The following DRC11 variants were observed in gnomAD, a reference collection of about 807,000 sequenced individuals.
The protein encoded by DRC11 is IQ and AAA domain-containing protein 1.
At chr2:236,393,054 T>C in the DRC11 span, among the ~76,000 whole-genome samples, 1 of 152,174 alleles carries the variant, frequency 6.6e-6, no homozygotes, top group African/African-American at 2.4e-5. The surrounding 1 kb of genome is among the most constrained non-coding windows in gnomAD (Gnocchi z 4.7). Context: ...AAATGTATGC[T>C]GAGGTGTGGA....
the DRC11 span, among the ~76,000 whole-genome samples, chr2:236,314,439 ACAT>A: frequency 1.3e-5 from 2 of 152,222 alleles, no homozygotes; most frequent in Non-Finnish European, 2.9e-5. This position sits in a 1 kb window ranked among gnomAD's most constrained non-coding sequence, Gnocchi z 4.5. Flanking sequence ...CTTCTAGTCA[ACAT>A]CATAACTAAA....
the DRC11 span, among the ~76,000 whole-genome samples, chr2:236,491,159 G>GTA: frequency 0.011 from 456 of 40,312 alleles, 24 homozygotes; most frequent in South Asian, 0.046. Flanking sequence ...TATACACACA[G>GTA]TATATATATA....
the DRC11 span, among the ~76,000 whole-genome samples, chr2:236,417,057 A>G: frequency 1.3e-4 from 19 of 150,362 alleles, no homozygotes; most frequent in African/African-American, 4.7e-4. Flanking sequence ...TTTAGTAGAG[A>G]TGGGGTTTCA....
the DRC11 span, chr2:236,454,903 T>G: frequency 6.6e-6 from 1 of 152,258 alleles, no homozygotes; most frequent in African/African-American, 2.4e-5. The surrounding 1 kb of genome is among the most constrained non-coding windows in gnomAD (Gnocchi z 5.3). Context: ...TTTCTGAGTC[T>G]GCTTTGTCAT....
chr2:236,388,394 C>G, the DRC11 span, among the ~76,000 whole-genome samples: 1 of 148,240 alleles, frequency 6.7e-6, no homozygotes, highest in East Asian at 2.0e-4. Context: ...CTTCCCTTCT[C>G]GCTTCATTTC....
the DRC11 span, among the ~76,000 whole-genome samples, chr2:236,405,395 T>A: frequency 6.6e-6 from 1 of 151,684 alleles, no homozygotes; most frequent in East Asian, 2.0e-4. The surrounding 1 kb of genome is among the most constrained non-coding windows in gnomAD (Gnocchi z 4.6). Context: ...TCCAACTTTC[T>A]TGCCTTTTTT....
the DRC11 span, among the ~76,000 whole-genome samples, chr2:236,413,818 T>C: frequency 3.3e-5 from 5 of 152,226 alleles, no homozygotes; most frequent in African/African-American, 1.2e-4. This position sits in a 1 kb window ranked among gnomAD's most constrained non-coding sequence, Gnocchi z 4.0. Flanking sequence ...AACATGTGGC[T>C]TGAAAAATAA....
chr2:236,342,767 G>C, the DRC11 span, among the ~76,000 whole-genome samples: 2 of 152,206 alleles, frequency 1.3e-5, no homozygotes, highest in African/African-American at 4.8e-5. This position sits in a 1 kb window ranked among gnomAD's most constrained non-coding sequence, Gnocchi z 5.8. Flanking sequence ...TTGCAGCTCT[G>C]AGTCTGGGGT....
the DRC11 span, among the ~76,000 whole-genome samples, chr2:236,434,992 T>C: frequency 6.6e-6 from 1 of 152,106 alleles, no homozygotes; most frequent in Non-Finnish European, 1.5e-5. The surrounding 1 kb of genome is among the most constrained non-coding windows in gnomAD (Gnocchi z 5.5). Context: ...TTGGTGCTCA[T>C]GGAATTCAGT....
At chr2:236,342,554 G>A in the DRC11 span, among the ~76,000 whole-genome samples, 1 of 152,196 alleles carries the variant, frequency 6.6e-6, no homozygotes, top group Non-Finnish European at 1.5e-5. This position sits in a 1 kb window ranked among gnomAD's most constrained non-coding sequence, Gnocchi z 5.8. Flanking sequence ...CAGGAAGGCA[G>A]CAGGAACTCT....
the DRC11 span, among the ~76,000 whole-genome samples, chr2:236,388,129 G>A: frequency 4.6e-5 from 7 of 152,056 alleles, no homozygotes; most frequent in African/African-American, 1.4e-4. Flanking sequence ...TGAATCTCAC[G>A]ATTATGTGTC....
chr2:236,472,354 A>G, the DRC11 span, among the ~76,000 whole-genome samples: 1 of 152,306 alleles, frequency 6.6e-6, no homozygotes, highest in East Asian at 1.9e-4. This position sits in a 1 kb window ranked among gnomAD's most constrained non-coding sequence, Gnocchi z 4.6. Flanking sequence ...CGCAGGTGAG[A>G]TTTAAACCCT....
At chr2:236,390,589 C>T in the DRC11 span, among the ~76,000 whole-genome samples, 1 of 152,200 alleles carries the variant, frequency 6.6e-6, no homozygotes, top group Non-Finnish European at 1.5e-5. This position sits in a 1 kb window ranked among gnomAD's most constrained non-coding sequence, Gnocchi z 5.9. Context: ...TAGTGATATA[C>T]TTTGATTCTT....
At chr2:236,376,308 G>A in the DRC11 span, among the ~76,000 whole-genome samples, 3 of 152,278 alleles carry the variant, frequency 2.0e-5, no homozygotes, top group African/African-American at 4.8e-5. This position sits in a 1 kb window ranked among gnomAD's most constrained non-coding sequence, Gnocchi z 5.7. Context: ...AAGGAATTAC[G>A]GGAGACAGAA....
At chr2:236,475,852 G>C in the DRC11 span, among the ~76,000 whole-genome samples, 1 of 152,188 alleles carries the variant, frequency 6.6e-6, no homozygotes, top group East Asian at 1.9e-4. The surrounding 1 kb of genome is among the most constrained non-coding windows in gnomAD (Gnocchi z 4.8). Flanking sequence ...GTAGGTTCTT[G>C]GAGTCTTTGT....
the DRC11 span, chr2:236,503,803 C>T: frequency 7.6e-6 from 8 of 1,055,474 alleles, no homozygotes; most frequent in Non-Finnish European, 1.1e-5. This position sits in a 1 kb window ranked among gnomAD's most constrained non-coding sequence, Gnocchi z 4.9. Flanking sequence ...CCACGCCAGC[C>T]TGGGGAGCCC....
At chr2:236,408,932 G>T in the DRC11 span, 1 of 680,514 alleles carries the variant, frequency 1.5e-6, no homozygotes, top group African/African-American at 1.8e-5. The surrounding 1 kb of genome is among the most constrained non-coding windows in gnomAD (Gnocchi z 5.5). Flanking sequence ...TGCCAACCTT[G>T]TATCCCAGGA....
the DRC11 span, among the ~76,000 whole-genome samples, chr2:236,456,846 G>T: frequency 1.3e-5 from 2 of 152,310 alleles, no homozygotes; most frequent in African/African-American, 4.8e-5. This position sits in a 1 kb window ranked among gnomAD's most constrained non-coding sequence, Gnocchi z 5.4. Context: ...GTGCAATTTG[G>T]AATTTTCAAT....
chr2:236,343,140 C>T, the DRC11 span, among the ~76,000 whole-genome samples: 2 of 152,136 alleles, frequency 1.3e-5, no homozygotes, highest in Non-Finnish European at 2.9e-5. This position sits in a 1 kb window ranked among gnomAD's most constrained non-coding sequence, Gnocchi z 6.6. Context: ...CTCCTCAGCG[C>T]GCCTCCTTCC....
Sources: gnomAD v4.1 joint callset for allele counts (sites outside exome capture counted in the v4.1 genomes callset) on GRCh38, gnomAD v4.1.1 for gene constraint, Gnocchi (gnomAD v3.1) non-coding constraint, MANE v1.5 for transcripts, NCBI Gene and HGNC (gene_info 2026-07-23, HGNC 2026-07-21) for gene names.